Variants in SPRYD3 observed in about 807,000 individuals in gnomAD.
SPRYD3 encodes the protein SPRY domain containing 3.
A neutral mutation model predicts 50.1 loss-of-function variants in SPRYD3; 17 were observed. The observed-to-expected ratio is 0.34, with a 90% CI of 0.23 to 0.51. SPRYD3 has a LOEUF of 0.51. Ranked by LOEUF, SPRYD3 falls within the 20% of genes least tolerant of loss-of-function variation. The pLI, the probability that SPRYD3 is intolerant of heterozygous loss-of-function variation, is 0.97. For missense variants in SPRYD3, 401 were observed against 591.2 expected (o/e 0.68, Z 3.34); for synonymous variants, 198 against 215.5 (o/e 0.92, Z 0.71).
Position 53,075,795 on chromosome 12 carries a change from C to T in SPRYD3, c.187G>A (p.Gly63Ser). Reference sequence around the variant, plus strand: ...GAAGCCACGTAGCAGCCAACTTCACCAGAGTTTCCATGATAACTGAAGGAG... The same window carrying T: ...GAAGCCACGTAGCAGCCAACTTCACTAGAGTTTCCATGATAACTGAAGGAG... ...GDTLSYHGNS[G>S]EVGCYVASRP... Residue 63 changes from glycine to serine, a missense_variant, in exon 3 of 11, where the codon GGT (glycine) becomes AGT (serine). Physicochemically the swap from Gly to Ser is moderately conservative, Grantham distance 56. Coordinates refer to ENST00000301463, the MANE Select transcript of SPRYD3 (RefSeq NM_032840.3). The T allele has an allele frequency of 6.2e-7, 1 of 1,614,016 alleles. No individual in the cohort carries two copies. The highest frequency in any genetic ancestry group is 1.7e-4 in the Middle Eastern group (1 of 6,056).
chr12:53,075,240 C>A, intron 3 of SPRYD3, 21 bp from the exon 4 acceptor site: 2 of 1,591,312 alleles, frequency 1.3e-6, no homozygotes, highest in Non-Finnish European at 1.7e-6. Context: ...GAAAGCAGGG[C>A]ACAGTCAGCA....
In SPRYD3 at chr12:53,064,532, T is replaced by C. The variant is rs1160347556; in HGVS notation, c.*1300A>G. 1 of 152,724 alleles carries C rather than the reference T, an allele frequency of 6.5e-6. No homozygotes were observed. The highest frequency in any genetic ancestry group is 1.5e-5 in the Non-Finnish European group (1 of 68,194). 9.5% of individuals were successfully genotyped at this position (152,724 alleles called of 1,614,324 possible). On this transcript the variant is annotated 3_prime_UTR_variant, in exon 11 of 11. Transcript: ENST00000301463. ...TCCCCATGAGCAAGCTGCCTTCGGC[T>C]GCCCCCATCCAGCAGTCCTGTTCCT...
At chr12:53,071,853 T>C (rs1210832766) in intron 6 of SPRYD3, among the ~76,000 whole-genome samples, 1 of 151,880 alleles carries the variant, frequency 6.6e-6, no homozygotes, top group East Asian at 1.9e-4. Context: ...CCCTGCCACC[T>C]GGCCCAAGCT....
Position 53,068,178 on chromosome 12 carries a change from T to C in SPRYD3, c.820A>G (p.Ile274Val), listed in dbSNP as rs777016258. The change falls in exon 7 of 11, where the codon ATC becomes GTC. Residue 274 changes from isoleucine to valine, a missense_variant. By Grantham distance (29) the Ile-to-Val change is conservative. Coordinates refer to ENST00000301463, the MANE Select transcript of SPRYD3 (RefSeq NM_032840.3). ...EIVDPGEKCYIALGLARKDYP... is the reference protein window; with the variant it reads ...EIVDPGEKCYVALGLARKDYP... ...ACCTTCCGTGCCAGCCCCAGGGCGA[T>C]GTAGCATTTCTCTCCAGGGTCCACG... The C allele has an allele frequency of 7.4e-6, 12 of 1,614,228 alleles. No homozygotes were observed. The South Asian group carries it at 1.2e-4, about 16-fold the overall frequency.
At position 53,064,863 on chromosome 12, in the gene SPRYD3, C is replaced by G. The variant is rs1944488595; in HGVS notation, c.*969G>C. The G allele has an allele frequency of 6.6e-6, 1 of 152,624 alleles. No homozygotes were observed. The highest frequency in any genetic ancestry group is 2.4e-5 in the African/African-American group (1 of 41,380). The allele number at this position is 152,624 out of a possible 1,614,324, so 9.5% of individuals were successfully genotyped here. The stretch of plus-strand genomic sequence containing the variant: ...GAGATAGAGGGCTTGGTGGGGAGGA[C>G]ACATGTAAGTGCTAGAATCAAACAC... On this transcript the variant is annotated 3_prime_UTR_variant, in exon 11 of 11. Coordinates refer to ENST00000301463, the MANE Select transcript of SPRYD3 (RefSeq NM_032840.3).
intron 5 of SPRYD3, 24 bp from the exon 6 acceptor site, chr12:53,073,495 C>T (rs780924822): frequency 6.6e-7 from 1 of 1,508,652 alleles, no homozygotes; most frequent in South Asian, 1.2e-5. Flanking sequence ...AAAGACGGAG[C>T]TGCCACCCGG....
Position 53,075,091 on chromosome 12 carries a change from T to G in SPRYD3, c.371+4A>C, listed in dbSNP as rs1202795823. 8 of 1,610,354 alleles carry G rather than the reference T, an allele frequency of 5.0e-6. No homozygotes were observed. The highest frequency in any genetic ancestry group is 6.8e-6 in the Non-Finnish European group (8 of 1,176,868). On this transcript the variant is annotated splice_donor_region_variant and intron_variant, in intron 4 of 10. Coordinates refer to ENST00000301463, the MANE Select transcript of SPRYD3 (RefSeq NM_032840.3). ...AGGGCCGGGTTGCACAGGAGCCAAC[T>G]CACTTGCCATCATCAGCATGGTAGG...
intron 2 of SPRYD3, among the ~76,000 whole-genome samples, chr12:53,076,012 C>T (rs1944586275): frequency 6.6e-6 from 1 of 152,226 alleles, no homozygotes; most frequent in Non-Finnish European, 1.5e-5. Context: ...CAGCTGGAAT[C>T]CAACCCGTAC....
At chr12:53,071,908 T>C (rs1342944593) in intron 6 of SPRYD3, among the ~76,000 whole-genome samples, 1 of 151,588 alleles carries the variant, frequency 6.6e-6, no homozygotes, top group East Asian at 1.9e-4. Flanking sequence ...AGCTTATGTC[T>C]AAAAAAGAAA....
intron 6 of SPRYD3, among the ~76,000 whole-genome samples, chr12:53,070,738 G>T (rs1363737611): frequency 1.3e-5 from 2 of 152,192 alleles, no homozygotes; most frequent in Non-Finnish European, 2.9e-5. Context: ...AGAAGGAAAT[G>T]ATCTTTCATC....
chr12:53,077,601 T>C (rs1944598742), intron 1 of SPRYD3, among the ~76,000 whole-genome samples: 1 of 151,646 alleles, frequency 6.6e-6, no homozygotes. Context: ...GTGGATAGAG[T>C]GGACAGAGGC....
In SPRYD3 at chr12:53,079,372, G is replaced by C. The variant is rs760449436; in HGVS notation, c.-39C>G. On this transcript the variant is annotated 5_prime_UTR_variant, in exon 1 of 11. Transcript: ENST00000301463. ...AGCTCCGCACACAAGCTCTTCGGCC[G>C]CCGCCACCACACACATCCGGGTCCC... 3 of 1,594,894 alleles carry C rather than the reference G, an allele frequency of 1.9e-6. No individual in the cohort carries two copies. The highest frequency in any genetic ancestry group is 2.6e-6 in the Non-Finnish European group (3 of 1,171,202).
chr12:53,072,578 T>G (rs552729364), intron 6 of SPRYD3, among the ~76,000 whole-genome samples: 1 of 152,336 alleles, frequency 6.6e-6, no homozygotes, highest in South Asian at 2.1e-4. Flanking sequence ...CACAGTGTAT[T>G]GAGGCAGACA....
Position 53,064,498 on chromosome 12 carries a change from G to A in SPRYD3, c.*1334C>T, listed in dbSNP as rs73099923. On this transcript the variant is annotated 3_prime_UTR_variant, in exon 11 of 11. Transcript: ENST00000301463. ...GATTCCCATCCCTGGCCCAACATTG[G>A]TCCACATCTCCCCATGAGCAAGCTG... The A allele has an allele frequency of 0.037, 5,642 of 152,674 alleles. 123 individuals carry two copies. The highest frequency in any genetic ancestry group is 0.045 in the African/African-American group (1,863 of 41,534). 9.5% of individuals were successfully genotyped at this position (152,674 alleles called of 1,614,324 possible).
In SPRYD3 at chr12:53,074,886, A is replaced by G; in HGVS notation, c.372-102T>C. ...CATCCTCATCTTGCTGCTCCTGGTC[A>G]TTCTGTGATGGTACCCACTTACGTC... is the stretch of plus-strand genomic sequence containing the variant. On this transcript the variant is annotated intron_variant, in intron 4 of 10. Coordinates refer to ENST00000301463, the MANE Select transcript of SPRYD3 (RefSeq NM_032840.3). The surrounding 1 kb of genome is among the most constrained non-coding windows in gnomAD (Gnocchi z 4.6). 1 of 1,477,984 alleles carries G rather than the reference A, an allele frequency of 6.8e-7. No individual in the cohort carries two copies. Among genetic ancestry groups the G allele is most frequent in the African/African-American group, 1.4e-5 (1 of 72,204 alleles). 91.6% of individuals were successfully genotyped at this position (1,477,984 alleles called of 1,614,324 possible).
chr12:53,073,256 G>GGCCCCGGGGGGGGGGCCCCC, intron 6 of SPRYD3, 30 bp downstream of exon 6: 1 of 424,132 alleles, frequency 2.4e-6, no homozygotes, highest in East Asian at 3.8e-5. Flanking sequence ...CTCCGACCCA[G>GGCCCCGGGGGGGGGGCCCCC]CCCCTCCCAC....
rs567933997 is a variant in SPRYD3 at position 53,066,555 on chromosome 12, C to A, written c.1021+18G>T. 6.2e-7 allele frequency: 1 copy of A among 1,613,898 alleles called. No individual in the cohort carries two copies. The highest frequency in any genetic ancestry group is 1.1e-5 in the South Asian group (1 of 91,066). ...CTCGGCCCCAAGCAGCCTGGCTGGC[C>A]ACCCCTACCCCACTCACCCTCACTG... On this transcript the variant is annotated intron_variant, in intron 9 of 10. Coordinates refer to ENST00000301463, the MANE Select transcript of SPRYD3 (RefSeq NM_032840.3).
intron 1 of SPRYD3, 48 bp downstream of exon 1, chr12:53,079,263 C>A (rs1944614238): frequency 1.9e-6 from 3 of 1,579,020 alleles, no homozygotes; most frequent in Non-Finnish European, 8.6e-7. Flanking sequence ...GCTTCAGGCT[C>A]CGGGGAGATA....
rs1457071856 is a variant in SPRYD3, at chr12:53,074,953, G to T, written c.371+142C>A. 7.3e-7 allele frequency: 1 copy of T among 1,370,994 alleles called. No individual in the cohort carries two copies. The allele number at this position is 1,370,994 out of a possible 1,614,324, so 84.9% of individuals were successfully genotyped here. A position where few individuals can be genotyped will look rare whatever the true frequency, so the allele number is the denominator to read the frequency against. On this transcript the variant is annotated intron_variant, in intron 4 of 10. Coordinates refer to ENST00000301463, the MANE Select transcript of SPRYD3 (RefSeq NM_032840.3). This position sits in a 1 kb window ranked among gnomAD's most constrained non-coding sequence, Gnocchi z 4.6. ...CCTCCTCTAGTCTGTAAGCCTTCAA[G>T]GGTGCTGCCAGGCCACTTCCCTGTC...
Sources: gnomAD v4.1 joint callset for allele counts (sites outside exome capture counted in the v4.1 genomes callset) on GRCh38, gnomAD v4.1.1 for gene constraint, Gnocchi (gnomAD v3.1) non-coding constraint, MANE v1.5 for transcripts, NCBI Gene and HGNC (gene_info 2026-07-23, HGNC 2026-07-21) for gene names.